Variants in GRID2 observed in about 807,000 individuals in gnomAD.
The protein encoded by GRID2 is glutamate ionotropic receptor delta type subunit 2.
Under a neutral mutation model 114.8 loss-of-function variants are expected in GRID2, and 33 were observed. That is an observed-to-expected ratio of 0.29 (90% CI 0.22 to 0.38). The LOEUF (loss-of-function observed/expected upper bound fraction) is 0.38, where lower values mean the gene tolerates loss of function less well. Ranked by LOEUF, GRID2 falls within the 10% of genes least tolerant of loss-of-function variation. The pLI, the probability that GRID2 is intolerant of heterozygous loss-of-function variation, is 1.00. For missense variants in GRID2, 1,184 were observed against 1,257.7 expected (o/e 0.94, Z 0.89); for synonymous variants, 505 against 449.9 (o/e 1.12, Z -1.55).
chr4:93,644,595 C>G (rs182813338), intron 14 of GRID2, among the ~76,000 whole-genome samples: 1 of 152,046 alleles, frequency 6.6e-6, no homozygotes, highest in South Asian at 2.1e-4. Context: ...TTCTAGGGAG[C>G]CTCTTATATT....
chr4:92,986,688 T>G (rs1754527698), intron 2 of GRID2, among the ~76,000 whole-genome samples: 1 of 152,184 alleles, frequency 6.6e-6, no homozygotes, highest in African/African-American at 2.4e-5. Flanking sequence ...GCAACTTTCC[T>G]GTAAGTCTAA....
At chr4:92,381,240 C>T (rs968186633) in intron 1 of GRID2, among the ~76,000 whole-genome samples, 6 of 152,054 alleles carry the variant, frequency 3.9e-5, no homozygotes, top group East Asian at 1.9e-4. Context: ...TGCCAGGTGA[C>T]GGAGTGACTG....
chr4:93,448,433 C>T (rs1722298499), intron 10 of GRID2, among the ~76,000 whole-genome samples: 2 of 151,798 alleles, frequency 1.3e-5, no homozygotes, highest in Admixed American at 6.6e-5. Context: ...AAATAAGATA[C>T]ATTTTTGGGA....
intron 13 of GRID2, among the ~76,000 whole-genome samples, chr4:93,592,267 C>T (rs1471762432): frequency 2.6e-5 from 4 of 151,878 alleles, no homozygotes; most frequent in East Asian, 1.9e-4. Context: ...TCTTTGTTCT[C>T]GTTGGTTTCA....
Position 93,103,204 on chromosome 4 carries a change from A to G in GRID2, c.530-7544A>G, listed in dbSNP as rs577746030. Among the ~76,000 whole-genome samples the G allele has an allele frequency of 4.8e-4, 73 of 152,092 alleles. No individual in the cohort carries two copies. In the Middle Eastern group the frequency reaches 0.024, roughly 50 times the overall value. On this transcript the variant is annotated intron_variant, in intron 3 of 15. Coordinates refer to ENST00000282020, the MANE Select transcript of GRID2 (RefSeq NM_001510.4). ...GCGCTAACTTGGGATAACTCTGAAGACCATCCCACTTCCAGAGCTCCCTGC... is the reference window on the plus strand; with the variant it reads ...GCGCTAACTTGGGATAACTCTGAAGGCCATCCCACTTCCAGAGCTCCCTGC...
chr4:93,515,516 T>C, intron 13 of GRID2, 105 bp downstream of exon 13: 1 of 744,444 alleles, frequency 1.3e-6, no homozygotes, highest in South Asian at 1.8e-5. Context: ...GTTTTTTATC[T>C]TTAATGCTGA....
intron 8 of GRID2, among the ~76,000 whole-genome samples, chr4:93,284,412 C>A (rs1042656243): frequency 1.3e-5 from 2 of 151,936 alleles, no homozygotes; most frequent in African/African-American, 4.8e-5. Flanking sequence ...GGGTACTAGG[C>A]TTAATACCTC....
intron 8 of GRID2, among the ~76,000 whole-genome samples, chr4:93,257,727 A>G (rs557409365): frequency 1.3e-5 from 2 of 151,504 alleles, no homozygotes; most frequent in South Asian, 4.2e-4. Context: ...TATCTTTCTC[A>G]TATAATATAA....
At chr4:93,495,616 G>A (rs1431685574) in intron 12 of GRID2, among the ~76,000 whole-genome samples, 2 of 151,750 alleles carry the variant, frequency 1.3e-5, no homozygotes, top group African/African-American at 4.8e-5. Context: ...TGGAGAGGAG[G>A]ACATGTGGGA....
At chr4:92,761,547 C>T (rs1738013128) in intron 2 of GRID2, among the ~76,000 whole-genome samples, 1 of 152,140 alleles carries the variant, frequency 6.6e-6, no homozygotes, top group Admixed American at 6.5e-5. Flanking sequence ...TATTTTGTGT[C>T]TAAGTGCCAC....
chr4:92,615,073 T>C lies in GRID2; in HGVS notation c.244+24787T>C, dbSNP rs918751082. Among the ~76,000 whole-genome samples, 4 of 151,510 alleles carry C rather than the reference T, an allele frequency of 2.6e-5. No homozygotes were observed. The Admixed American group carries it at 2.6e-4, about 10-fold the overall frequency. ...GGGTGGCTTAAACAATAGTAATATA[T>C]TTCTTAAAAGTCTGGAGACTAAAAG... On this transcript the variant is annotated intron_variant, in intron 2 of 15. Coordinates refer to ENST00000282020, the MANE Select transcript of GRID2 (RefSeq NM_001510.4).
chr4:93,426,571 T>C (rs1008142218), intron 10 of GRID2, among the ~76,000 whole-genome samples: 2 of 152,158 alleles, frequency 1.3e-5, no homozygotes, highest in African/African-American at 4.8e-5. Flanking sequence ...TAGTTTAATT[T>C]TGGAGACTTA....
intron 2 of GRID2, among the ~76,000 whole-genome samples, chr4:92,768,055 C>T (rs1185296891): frequency 6.6e-6 from 1 of 151,868 alleles, no homozygotes; most frequent in South Asian, 2.1e-4. Flanking sequence ...ATATTTTCAT[C>T]CTCAATAAGA....
intron 2 of GRID2, among the ~76,000 whole-genome samples, chr4:92,760,237 C>CA (rs982301426): frequency 0.082 from 3,063 of 37,524 alleles, 159 homozygotes; most frequent in African/African-American, 0.11. Context: ...GACTCTGTCT[C>CA]AAAAAAAAAA....
chr4:92,492,781 A>C (rs1448602691), intron 1 of GRID2, among the ~76,000 whole-genome samples: 1 of 152,130 alleles, frequency 6.6e-6, no homozygotes, highest in Admixed American at 6.6e-5. Context: ...TTATTATCAA[A>C]AACGTTTAAA....
chr4:93,086,861 G>C (rs1443534770), intron 3 of GRID2, among the ~76,000 whole-genome samples: 1 of 151,990 alleles, frequency 6.6e-6, no homozygotes, highest in Non-Finnish European at 1.5e-5. Flanking sequence ...CTTACAGTCA[G>C]ATTATTTGTG....
At position 92,310,629 on chromosome 4, in the gene GRID2, A is replaced by G. The variant is rs1418565185; in HGVS notation, c.88+5885A>G. Among the ~76,000 whole-genome samples the G allele has an allele frequency of 3.3e-5, 5 of 152,066 alleles. No individual in the cohort carries two copies. The East Asian group carries it at 9.6e-4, about 29-fold the overall frequency. ...ATAAAAAAAAGTATTCTGGATTAGAATTTAGAAGGTATTGGACTAAATCTC... is the reference window on the plus strand; with the variant it reads ...ATAAAAAAAAGTATTCTGGATTAGAGTTTAGAAGGTATTGGACTAAATCTC... On this transcript the variant is annotated intron_variant, in intron 1 of 15. Coordinates refer to ENST00000282020, the MANE Select transcript of GRID2 (RefSeq NM_001510.4).
intron 14 of GRID2, among the ~76,000 whole-genome samples, chr4:93,752,215 A>G (rs753123559): frequency 2.0e-5 from 3 of 152,186 alleles, no homozygotes; most frequent in Non-Finnish European, 2.9e-5. Flanking sequence ...CTTTGCATAT[A>G]CAATACAATT....
At chr4:93,272,690 T>C (rs1751593798) in intron 8 of GRID2, among the ~76,000 whole-genome samples, 1 of 152,188 alleles carries the variant, frequency 6.6e-6, no homozygotes, top group African/African-American at 2.4e-5. Flanking sequence ...CTAGCTGATA[T>C]GTAAGAATAG....
Sources: allele counts gnomAD v4.1 joint callset (sites outside exome capture counted in the v4.1 genomes callset), GRCh38; gene constraint gnomAD v4.1.1; transcripts MANE v1.5; gene names NCBI Gene and HGNC (gene_info 2026-07-23, HGNC 2026-07-21).